LGSN: variants seen among roughly 807,000 people sequenced by gnomAD.
LGSN encodes lengsin.
LGSN carries 21 observed loss-of-function variants against 19.5 expected under a neutral mutation model. The observed-to-expected ratio is 1.07, with a 90% CI of 0.76 to 1.55. The LOEUF is 1.55. Among genes scored for constraint, LGSN ranks in the 40% most tolerant of loss-of-function variants. The pLI is 0.00. For missense variants in LGSN, 673 were observed against 608.5 expected (o/e 1.11, Z -1.12); for synonymous variants, 257 against 215.6 (o/e 1.19, Z -1.68).
chr6:63,501,716 G>C, the LGSN span, among the ~76,000 whole-genome samples: 1 of 152,116 alleles, frequency 6.6e-6, no homozygotes, highest in African/African-American at 2.4e-5. Context: ...GCTTCTTAAG[G>C]GAGATCCTGC....
chr6:63,292,736 A>G (rs968319864), intron 2 of LGSN, among the ~76,000 whole-genome samples: 1 of 152,238 alleles, frequency 6.6e-6, no homozygotes, highest in Non-Finnish European at 1.5e-5. Flanking sequence ...TTCTGTGCTT[A>G]GAACTTGCCT....
At chr6:63,397,948 A>G in the LGSN span, among the ~76,000 whole-genome samples, 1 of 152,090 alleles carries the variant, frequency 6.6e-6, no homozygotes, top group Non-Finnish European at 1.5e-5. Flanking sequence ...TCAAGAAAAA[A>G]AGAAAAAAAA....
chr6:63,550,077 C>T, the LGSN span, among the ~76,000 whole-genome samples: 2 of 152,054 alleles, frequency 1.3e-5, no homozygotes, highest in South Asian at 4.1e-4. Flanking sequence ...ATAATATGTG[C>T]AATTATTATG....
chr6:63,492,161 G>A, the LGSN span, among the ~76,000 whole-genome samples: 1 of 151,786 alleles, frequency 6.6e-6, no homozygotes, highest in African/African-American at 2.4e-5. Context: ...AACCAAATAT[G>A]TTCAAACTTC....
the LGSN span, among the ~76,000 whole-genome samples, chr6:63,412,569 AG>A: frequency 8.5e-3 from 1,072 of 125,714 alleles, 42 homozygotes; most frequent in African/African-American, 0.027. Flanking sequence ...AAAGAAAGAA[AG>A]GAAGGAAGGA....
At chr6:63,392,244 A>T in the LGSN span, 1 of 152,384 alleles carries the variant, frequency 6.6e-6, no homozygotes, top group African/African-American at 2.4e-5. Flanking sequence ...TGCCAACCAG[A>T]CACCCAGCCC....
the LGSN span, among the ~76,000 whole-genome samples, chr6:63,414,361 A>G: frequency 6.6e-6 from 1 of 152,184 alleles, no homozygotes; most frequent in African/African-American, 2.4e-5. Context: ...CAATAAGTAT[A>G]AAGTTTCAGT....
At chr6:63,542,913 T>C in the LGSN span, among the ~76,000 whole-genome samples, 2 of 152,190 alleles carry the variant, frequency 1.3e-5, no homozygotes, top group African/African-American at 4.8e-5. Flanking sequence ...GTCGTGTTCC[T>C]AACCCTTGCA....
At chr6:63,544,745 G>A in the LGSN span, among the ~76,000 whole-genome samples, 2 of 152,198 alleles carry the variant, frequency 1.3e-5, no homozygotes, top group South Asian at 4.1e-4. Flanking sequence ...CAGGATACAC[G>A]TTTGGCAGGA....
the LGSN span, among the ~76,000 whole-genome samples, chr6:63,370,517 A>G: frequency 6.6e-6 from 1 of 152,330 alleles, no homozygotes; most frequent in East Asian, 1.9e-4. Flanking sequence ...ATTTTCTTTG[A>G]CTTTGAATTT....
chr6:63,280,667 T>G lies in LGSN; in HGVS notation c.884A>C (p.Lys295Thr), dbSNP rs1399420876. ...GAAGAAGCTGGCAATGTAATTATAT[T>G]TCCTTGCCACTTCTTTGACACCTGT... ...LRTGVKEVAR[K>T]YNYIASFFIE... The change falls in exon 4 of 4, where the codon AAA (lysine) becomes ACA (threonine). Residue 295 changes from lysine to threonine, a missense_variant. Coordinates refer to ENST00000370657, the MANE Select transcript of LGSN (RefSeq NM_016571.3). The G allele has an allele frequency of 7.4e-6, 12 of 1,614,002 alleles. No individual in the cohort carries two copies. Among genetic ancestry groups the G allele is most frequent in the Admixed American group, 1.7e-5 (1 of 60,002 alleles).
At chr6:63,555,989 C>A in the LGSN span, among the ~76,000 whole-genome samples, 903 of 151,966 alleles carry the variant, frequency 5.9e-3, 11 homozygotes, top group African/African-American at 0.02. Flanking sequence ...CCGTACCTGG[C>A]CTCAATTAAA....
At chr6:63,549,294 T>C in the LGSN span, 9 of 754,100 alleles carry the variant, frequency 1.2e-5, no homozygotes, top group South Asian at 1.2e-4. Flanking sequence ...TTTCAGCCAC[T>C]TACAGAGGAT....
At chr6:63,392,896 T>C in the LGSN span, among the ~76,000 whole-genome samples, 9 of 143,074 alleles carry the variant, frequency 6.3e-5, no homozygotes, top group Non-Finnish European at 1.4e-4. Flanking sequence ...TTTTTTTTTT[T>C]TTTTTTTTGA....
chr6:63,438,473 T>G, the LGSN span, among the ~76,000 whole-genome samples: 3 of 151,982 alleles, frequency 2.0e-5, no homozygotes, highest in East Asian at 1.9e-4. Context: ...AGGGCTAATA[T>G]CCAGAATCTA....
chr6:63,425,014 A>G, the LGSN span, among the ~76,000 whole-genome samples: 9 of 152,350 alleles, frequency 5.9e-5, no homozygotes, highest in African/African-American at 2.2e-4. Flanking sequence ...CTATAAGCAC[A>G]TGGAAAGATG....
chr6:63,423,022 C>A, the LGSN span, among the ~76,000 whole-genome samples: 3 of 152,048 alleles, frequency 2.0e-5, no homozygotes, highest in Non-Finnish European at 4.4e-5. Context: ...TAGCATTAAT[C>A]AAAAGAAGAG....
the LGSN span, among the ~76,000 whole-genome samples, chr6:63,545,803 C>A: frequency 6.6e-6 from 1 of 151,908 alleles, no homozygotes; most frequent in Non-Finnish European, 1.5e-5. Context: ...TCTAGCTTTC[C>A]CATGTTCCAT....
At chr6:63,488,344 G>C in the LGSN span, among the ~76,000 whole-genome samples, 1 of 152,146 alleles carries the variant, frequency 6.6e-6, no homozygotes, top group African/African-American at 2.4e-5. Flanking sequence ...AAAAGAGAAG[G>C]TCAGGCTGCT....
Sources: gnomAD v4.1 joint callset for allele counts (sites outside exome capture counted in the v4.1 genomes callset) on GRCh38, gnomAD v4.1.1 for gene constraint, MANE v1.5 for transcripts, NCBI Gene and HGNC (gene_info 2026-07-23, HGNC 2026-07-21) for gene names.